The following BAIAP2L1 variants were observed in gnomAD, a reference collection of about 807,000 sequenced individuals.
The protein encoded by BAIAP2L1 is BAR/IMD domain containing adaptor protein 2 like 1, also known as BAR/IMD domain-containing adapter protein 2-like 1.
A neutral mutation model predicts 66.3 loss-of-function variants in BAIAP2L1; 35 were observed. The ratio of observed to expected loss-of-function variants is 0.53; its 90% CI spans 0.40 to 0.70. The LOEUF is 0.70. BAIAP2L1 is among the 30% of genes least tolerant of loss of function. The probability of loss-of-function intolerance (pLI) is 0.00; values close to 1 mark genes in which losing one functional copy is unlikely to be tolerated. For missense variants in BAIAP2L1, 622 were observed against 656.9 expected, an observed-to-expected ratio of 0.95 and a Z score of 0.58; for synonymous variants, 269 against 248.7, an observed-to-expected ratio of 1.08 and a Z score of -0.77.
intron 3 of BAIAP2L1, among the ~76,000 whole-genome samples, chr7:98,328,503 T>C (rs911726680): frequency 1.3e-5 from 2 of 152,000 alleles, no homozygotes; most frequent in Non-Finnish European, 2.9e-5. Context: ...TGCTTTCCAG[T>C]GTTCTGGAGA....
chr7:98,369,044 CTT>C (rs34808288), intron 1 of BAIAP2L1, among the ~76,000 whole-genome samples: 32 of 130,738 alleles, frequency 2.4e-4, no homozygotes, highest in African/African-American at 4.4e-4. Context: ...AACTGCCAAA[CTT>C]TTTTTTTTTT....
intron 2 of BAIAP2L1, among the ~76,000 whole-genome samples, chr7:98,357,041 ATATATATATTTTT>A (rs1407250874): frequency 2.8e-4 from 5 of 17,608 alleles, no homozygotes; most frequent in African/African-American, 8.3e-4. Context: ...ATATATATAT[ATATATATATTTTT>A]TTTTTTTTTT....
intron 5 of BAIAP2L1, 76 bp from the exon 6 acceptor site, chr7:98,317,432 T>G: frequency 6.4e-7 from 1 of 1,560,758 alleles, no homozygotes. Flanking sequence ...TACTCACACT[T>G]CCACTGTGTG....
intron 1 of BAIAP2L1, chr7:98,386,603 A>G: frequency 6.3e-7 from 1 of 1,591,348 alleles, no homozygotes; most frequent in Non-Finnish European, 8.5e-7. Flanking sequence ...TCAGAGAGCC[A>G]AAAGCAGGAA....
chr7:98,321,079 G>A (rs1312184012), intron 3 of BAIAP2L1, among the ~76,000 whole-genome samples: 1 of 151,698 alleles, frequency 6.6e-6, no homozygotes, highest in Non-Finnish European at 1.5e-5. Flanking sequence ...GGTTGGTCTC[G>A]AACTCCTGAC....
At chr7:98,340,320 C>T (rs79710641) in intron 3 of BAIAP2L1, among the ~76,000 whole-genome samples, 75 of 152,226 alleles carry the variant, frequency 4.9e-4, no homozygotes, top group African/African-American at 1.7e-3. Flanking sequence ...CAGAGTCTTG[C>T]CTTGTCGCCC....
In BAIAP2L1 at chr7:98,320,143, G is replaced by T. The variant is rs755841506; in HGVS notation, c.277-14C>A. 1.9e-6 allele frequency: 3 copies of T among 1,605,540 alleles called. No individual in the cohort carries two copies. Among genetic ancestry groups the T allele is most frequent in the Admixed American group, 3.4e-5 (2 of 59,494 alleles). Reference sequence around the variant, plus strand: ...GAATTTTTTAAACTGTTAACAAAAGGAAATAAATTCATACCAGGTTTGAGA... The same window carrying T: ...GAATTTTTTAAACTGTTAACAAAAGTAAATAAATTCATACCAGGTTTGAGA... On this transcript the variant is annotated splice_polypyrimidine_tract_variant and intron_variant, in intron 4 of 13. Transcript: ENST00000005260.
chr7:98,369,860 T>C (rs994277044), intron 1 of BAIAP2L1, among the ~76,000 whole-genome samples: 3 of 151,892 alleles, frequency 2.0e-5, no homozygotes, highest in African/African-American at 7.3e-5. Flanking sequence ...TTAGTAGAGA[T>C]GGTGTTTCAC....
At position 98,392,167 on chromosome 7, in the gene BAIAP2L1, TAA is replaced by T. The variant is rs5886065; in HGVS notation, c.51+8633_51+8634del. On this transcript the variant is annotated intron_variant, in intron 1 of 13. Coordinates refer to ENST00000005260, the MANE Select transcript of BAIAP2L1 (RefSeq NM_018842.5). Reference sequence around the variant, plus strand: ...GGGCAATGTAGCAAGACCCCCTCGCTAAAAAAAAAAAAAAAAAAAAGTCTACC... The same window carrying T: ...GGGCAATGTAGCAAGACCCCCTCGCTAAAAAAAAAAAAAAAAAAGTCTACC... 9.7e-3 allele frequency among the ~76,000 whole-genome samples: 1,167 copies of T among 120,726 alleles called. 15 individuals are homozygous for T. Among genetic ancestry groups the T allele is most frequent in the African/African-American group, 0.032 (1,009 of 31,796 alleles). The allele number at this position is 120,726 out of a possible 152,430, so 79.2% of individuals were successfully genotyped here.
rs867373103 is a variant in BAIAP2L1, at chr7:98,393,121, A to G, written c.51+7681T>C. On this transcript the variant is annotated intron_variant, in intron 1 of 13. Coordinates refer to ENST00000005260, the MANE Select transcript of BAIAP2L1 (RefSeq NM_018842.5). Reference sequence around the variant, plus strand: ...TACGTGTACATATATGTACACATATATGTATATATACACACATATGTGTAC... The same window carrying G: ...TACGTGTACATATATGTACACATATGTGTATATATACACACATATGTGTAC... Among the ~76,000 whole-genome samples the G allele has an allele frequency of 3.1e-5, 3 of 97,734 alleles. 1 individual carries two copies. Among genetic ancestry groups the G allele is most frequent in the South Asian group, 6.3e-4 (2 of 3,168 alleles). The allele number at this position is 97,734 out of a possible 152,430, so 64.1% of individuals were successfully genotyped here.
chr7:98,339,996 A>G (rs912787620), intron 3 of BAIAP2L1, among the ~76,000 whole-genome samples: 5 of 152,192 alleles, frequency 3.3e-5, no homozygotes, highest in African/African-American at 1.2e-4. Flanking sequence ...TGACAGCGTG[A>G]GGACAGGGAC....
intron 1 of BAIAP2L1, among the ~76,000 whole-genome samples, chr7:98,372,899 C>T (rs1393125514): frequency 2.0e-5 from 3 of 152,048 alleles, no homozygotes; most frequent in Non-Finnish European, 4.4e-5. Flanking sequence ...ACCACCACGC[C>T]CAGCTAATTT....
intron 1 of BAIAP2L1, among the ~76,000 whole-genome samples, chr7:98,378,524 C>T (rs1802683592): frequency 6.6e-6 from 1 of 152,242 alleles, no homozygotes; most frequent in South Asian, 2.1e-4. Flanking sequence ...CAACCCCAGC[C>T]TCTCTCTAGC....
chr7:98,387,451 C>T (rs1377249569), intron 1 of BAIAP2L1, among the ~76,000 whole-genome samples: 1 of 152,190 alleles, frequency 6.6e-6, no homozygotes, highest in African/African-American at 2.4e-5. Flanking sequence ...ATCTCAGTGC[C>T]ACCAAAGAGT....
chr7:98,394,116 G>A (rs867908140), intron 1 of BAIAP2L1, among the ~76,000 whole-genome samples: 8 of 151,952 alleles, frequency 5.3e-5, no homozygotes, highest in Non-Finnish European at 7.4e-5. Flanking sequence ...GGTGGCAGGC[G>A]CCTGTAGTCC....
intron 3 of BAIAP2L1, among the ~76,000 whole-genome samples, chr7:98,346,083 T>C (rs1410571624): frequency 6.6e-6 from 1 of 152,216 alleles, no homozygotes; most frequent in African/African-American, 2.4e-5. Context: ...ACTTTGTGAA[T>C]ATACTAAAAA....
In BAIAP2L1 at chr7:98,339,374, C is replaced by T. The variant is rs77286814; in HGVS notation, c.214+15668G>A. ...GTTTCCCTAATGGCTAATGATGTTG[C>T]GCATCTTTTCATGTGCTTGTTGGCA... On this transcript the variant is annotated intron_variant, in intron 3 of 13. Coordinates refer to ENST00000005260, the MANE Select transcript of BAIAP2L1 (RefSeq NM_018842.5). 1.1e-3 allele frequency among the ~76,000 whole-genome samples: 164 copies of T among 152,298 alleles called. 1 individual carries two copies. The highest frequency in any genetic ancestry group is 3.7e-3 in the African/African-American group (155 of 41,568).
At chr7:98,398,162 T>C (rs974266409) in intron 1 of BAIAP2L1, among the ~76,000 whole-genome samples, 1 of 152,184 alleles carries the variant, frequency 6.6e-6, no homozygotes, top group South Asian at 2.1e-4. Context: ...CCTGGTTGTG[T>C]TGCATTTCTA....
chr7:98,393,130 T>TAC lies in BAIAP2L1; in HGVS notation c.51+7670_51+7671dup, dbSNP rs1300269076. ...ATATATGTACACATATATGTATATA[T>TAC]ACACACATATGTGTACATATATATG... On this transcript the variant is annotated intron_variant, in intron 1 of 13. Transcript: ENST00000005260. Among the ~76,000 whole-genome samples the TAC allele has an allele frequency of 5.9e-5, 6 of 101,056 alleles. 1 individual carries two copies. Among genetic ancestry groups the TAC allele is most frequent in the Admixed American group, 2.2e-4 (2 of 9,194 alleles). 66.3% of individuals were successfully genotyped at this position (101,056 alleles called of 152,430 possible).
Sources: gnomAD v4.1 joint callset for allele counts (sites outside exome capture counted in the v4.1 genomes callset) on GRCh38, gnomAD v4.1.1 for gene constraint, MANE v1.5 for transcripts, NCBI Gene and HGNC (gene_info 2026-07-23, HGNC 2026-07-21) for gene names.